Variants in GSTM4 observed in about 807,000 individuals in gnomAD.
The protein encoded by GSTM4 is GST class-mu 4.
Under a neutral mutation model 30.1 loss-of-function variants are expected in GSTM4, and 27 were observed. The ratio of observed to expected loss-of-function variants is 0.90; its 90% CI spans 0.66 to 1.24. The LOEUF (loss-of-function observed/expected upper bound fraction) is 1.24, where lower values mean the gene tolerates loss of function less well. Ranked by LOEUF, GSTM4 falls within the 50% of genes most tolerant of loss-of-function variation. The probability of loss-of-function intolerance (pLI) is 0.00; values close to 1 mark genes in which losing one functional copy is unlikely to be tolerated. For synonymous variants in GSTM4, 94 were observed against 96.2 expected, an observed-to-expected ratio of 0.98 and a Z score of 0.13; for missense variants, 238 against 272.1, an observed-to-expected ratio of 0.87 and a Z score of 0.88.
Position 109,661,656 on chromosome 1 carries a change from G to T in GSTM4, c.*402G>T. On this transcript the variant is annotated 3_prime_UTR_variant, in exon 8 of 8. Coordinates refer to ENST00000369836, the MANE Select transcript of GSTM4 (RefSeq NM_000850.5). ...TTACAGGCCCTGCTCCTGCAGCATGGCCCCTGCCTTAGGCCTACCTGATCA... is the reference window on the plus strand; with the variant it reads ...TTACAGGCCCTGCTCCTGCAGCATGTCCCCTGCCTTAGGCCTACCTGATCA... 1.7e-6 allele frequency: 2 copies of T among 1,150,198 alleles called. No individual in the cohort carries two copies. The highest frequency in any genetic ancestry group is 2.1e-6 in the Non-Finnish European group (2 of 931,214). The allele number at this position is 1,150,198 out of a possible 1,614,324, so 71.2% of individuals were successfully genotyped here.
chr1:109,667,373 A>G (rs1368288595), downstream of GSTM4, among the ~76,000 whole-genome samples: 1 of 151,986 alleles, frequency 6.6e-6, no homozygotes, highest in Non-Finnish European at 1.5e-5. Flanking sequence ...ATGAATACAA[A>G]GACCTCTGAT....
In GSTM4 at chr1:109,661,403, G is replaced by T; in HGVS notation, c.*149G>T. The T allele has an allele frequency of 6.6e-7, 1 of 1,514,884 alleles. No individual in the cohort carries two copies. The highest frequency in any genetic ancestry group is 8.8e-7 in the Non-Finnish European group (1 of 1,130,296). The allele number at this position is 1,514,884 out of a possible 1,614,324, so 93.8% of individuals were successfully genotyped here. A position where few individuals can be genotyped will look rare whatever the true frequency, so the allele number is the denominator to read the frequency against. ...ATCTTTACCCCCAAGACTTTATTGG[G>T]CCTCTTCACTTCCCCTAAACCCCTG... On this transcript the variant is annotated 3_prime_UTR_variant, in exon 8 of 8. Coordinates refer to ENST00000369836, the MANE Select transcript of GSTM4 (RefSeq NM_000850.5).
intron 2 of GSTM4, 146 bp from the exon 3 acceptor site, chr1:109,657,069 C>T (rs188969624): frequency 3.4e-5 from 29 of 851,982 alleles, no homozygotes; most frequent in African/African-American, 2.7e-4. Flanking sequence ...GATTCTTTGT[C>T]CCTGAACCCT....
At chr1:109,658,158 C>A in intron 5 of GSTM4, 1 of 448,962 alleles carries the variant, frequency 2.2e-6, no homozygotes, top group Non-Finnish European at 4.1e-6. Context: ...GCCATCTAAC[C>A]CAGCTGGTTC....
chr1:109,658,676 T>C (rs41280334), intron 5 of GSTM4, 138 bp from the exon 6 acceptor site: 1 of 711,454 alleles, frequency 1.4e-6, no homozygotes, highest in Non-Finnish European at 2.6e-6. Flanking sequence ...TGCTGGTATG[T>C]CCAGCTGAAG....
At chr1:109,659,727 T>A in intron 7 of GSTM4, 1 of 419,830 alleles carries the variant, frequency 2.4e-6, no homozygotes, top group Non-Finnish European at 4.7e-6. Context: ...GAGTGTATGT[T>A]GAAGTGCTCT....
chr1:109,658,175 T>A (rs1652123894), intron 5 of GSTM4: 1 of 418,114 alleles, frequency 2.4e-6, no homozygotes, highest in African/African-American at 2.0e-5. Context: ...GTTCATGCCA[T>A]CTGCCTGTTC....
At chr1:109,658,495 A>G (rs1406316417) in intron 5 of GSTM4, 4 of 345,092 alleles carry the variant, frequency 1.2e-5, no homozygotes, top group Non-Finnish European at 2.1e-5. Context: ...TGTATCCTTG[A>G]TTTTGCTCAT....
In GSTM4 at chr1:109,661,248, C is replaced by G; in HGVS notation, c.651C>G (p.Asn217Lys). 1 of 1,611,418 alleles carries G rather than the reference C, an allele frequency of 6.2e-7. No homozygotes were observed. Among genetic ancestry groups the G allele is most frequent in the Middle Eastern group, 1.7e-4 (1 of 6,058 alleles). ...PLYTRVAVWGNK is the reference protein window; with the variant it reads ...PLYTRVAVWGKK The stretch of plus-strand genomic sequence containing the variant: ...ACACAAGGGTGGCTGTCTGGGGCAA[C>G]AAGTAATGCCTTGAAGGCCAGGAGG... The change falls in exon 8 of 8, where the codon AAC (asparagine) becomes AAG (lysine). Residue 217 changes from asparagine to lysine, a missense_variant. Transcript: ENST00000369836.
chr1:109,661,320 G>A lies in GSTM4; in HGVS notation c.*66G>A, dbSNP rs779692475. On this transcript the variant is annotated 3_prime_UTR_variant, in exon 8 of 8. Transcript: ENST00000369836. ...CAGCCTGCTGCCCAGGCTGTGCAGC[G>A]CAGCTGGACTCTGCATCCCAGCACC... 3.1e-5 allele frequency: 50 copies of A among 1,607,850 alleles called. No homozygotes were observed. Among genetic ancestry groups the A allele is most frequent in the Non-Finnish European group, 3.9e-5 (46 of 1,176,848 alleles).
chr1:109,662,005 T>G (rs1231119595), downstream of GSTM4, among the ~76,000 whole-genome samples: 4 of 152,014 alleles, frequency 2.6e-5, no homozygotes, highest in Non-Finnish European at 5.9e-5. Context: ...TTAAAAAAAT[T>G]TTTGTAGAGA....
intron 2 of GSTM4, 43 bp from the exon 3 acceptor site, chr1:109,657,172 G>A (rs757779322): frequency 5.6e-6 from 9 of 1,606,384 alleles, no homozygotes; most frequent in Non-Finnish European, 6.8e-6. Context: ...AGGAGGGCTG[G>A]GCTCTGGGGA....
downstream of GSTM4, among the ~76,000 whole-genome samples, chr1:109,667,193 AATAAT>A (rs1647357733): frequency 6.6e-6 from 1 of 151,174 alleles, no homozygotes; most frequent in African/African-American, 2.4e-5. Flanking sequence ...TTAAAATAAT[AATAAT>A]AATAATAATA....
In GSTM4 at chr1:109,656,177, C is replaced by A; in HGVS notation, c.-213C>A. On this transcript the variant is annotated 5_prime_UTR_variant, in exon 1 of 8. Coordinates refer to ENST00000369836, the MANE Select transcript of GSTM4 (RefSeq NM_000850.5). Reference sequence around the variant, plus strand: ...CTCCTTCCAGCCAGTGAGGATCCAGCAACCTGCTCCGTGCCTCCCGCGCCT... The same window carrying A: ...CTCCTTCCAGCCAGTGAGGATCCAGAAACCTGCTCCGTGCCTCCCGCGCCT... The A allele has an allele frequency of 1.7e-6, 1 of 579,924 alleles. No homozygotes were observed. Among genetic ancestry groups the A allele is most frequent in the Non-Finnish European group, 3.2e-6 (1 of 313,142 alleles). The allele number at this position is 579,924 out of a possible 1,614,324, so 35.9% of individuals were successfully genotyped here.
chr1:109,659,698 G>A (rs565877742), intron 7 of GSTM4: 10 of 390,872 alleles, frequency 2.6e-5, no homozygotes, highest in African/African-American at 1.9e-4. Context: ...GGGTACATAT[G>A]TGGGTGCCCC....
rs1204227574 is a variant in GSTM4, at chr1:109,661,453, C to T, written c.*199C>T. 1.4e-6 allele frequency: 2 copies of T among 1,429,672 alleles called. No individual in the cohort carries two copies. The highest frequency in any genetic ancestry group is 1.4e-5 in the African/African-American group (1 of 69,626). The allele number at this position is 1,429,672 out of a possible 1,614,324, so 88.6% of individuals were successfully genotyped here. On this transcript the variant is annotated 3_prime_UTR_variant, in exon 8 of 8. Transcript: ENST00000369836. ...GTCCCATGCAGGCCCTTTGAAGCCTCAGCTACCCACTTTCCTTCATGAACA... is the reference window on the plus strand; with the variant it reads ...GTCCCATGCAGGCCCTTTGAAGCCTTAGCTACCCACTTTCCTTCATGAACA...
chr1:109,659,077 T>C lies in GSTM4; in HGVS notation c.534T>C (p.Phe178=), dbSNP rs506008. 1,387,291 of 1,614,000 alleles carry C rather than the reference T, an allele frequency of 0.86. 599,512 individuals are homozygous for C. The highest frequency in any genetic ancestry group is 0.97 in the East Asian group (43,395 of 44,854). ...RIFEPNCLDA[F]PNLKDFISRF... ...TTGAGCCCAACTGCTTGGACGCCTT[T>C]CCAAATCTGAAGGACTTCATCTCCC... is the stretch of plus-strand genomic sequence containing the variant. The change falls in exon 7 of 8, where the codon TTT becomes TTC. Residue 178 remains phenylalanine (F), a synonymous_variant. Coordinates refer to ENST00000369836, the MANE Select transcript of GSTM4 (RefSeq NM_000850.5).
downstream of GSTM4, among the ~76,000 whole-genome samples, chr1:109,664,340 G>GTTTTTT (rs1557955647): frequency 7.0e-5 from 2 of 28,606 alleles, no homozygotes; most frequent in African/African-American, 9.8e-5. Context: ...AGAGAGAATA[G>GTTTTTT]CTTTTTTTTT....
Position 109,656,166 on chromosome 1 carries a change from T to C in GSTM4, c.-224T>C, listed in dbSNP as rs59319063. 1,812 of 550,958 alleles carry C rather than the reference T, an allele frequency of 3.3e-3. 26 individuals carry two copies. Among genetic ancestry groups the C allele is most frequent in the African/African-American group, 0.031 (1,601 of 51,952 alleles). The allele number at this position is 550,958 out of a possible 1,614,324, so 34.1% of individuals were successfully genotyped here. ...GGTGGATCTTACTCCTTCCAGCCAG[T>C]GAGGATCCAGCAACCTGCTCCGTGC... On this transcript the variant is annotated 5_prime_UTR_variant, in exon 1 of 8. Transcript: ENST00000369836.
Sources: allele counts gnomAD v4.1 joint callset (sites outside exome capture counted in the v4.1 genomes callset), GRCh38; gene constraint gnomAD v4.1.1; transcripts MANE v1.5; gene names NCBI Gene and HGNC (gene_info 2026-07-23, HGNC 2026-07-21).